The following TASP1 variants were observed in gnomAD, a reference collection of about 807,000 sequenced individuals.
The protein encoded by TASP1 is threonine aspartase 1.
A neutral mutation model predicts 56.6 loss-of-function variants in TASP1; 16 were observed. The ratio of observed to expected loss-of-function variants is 0.28; its 90% CI spans 0.19 to 0.43. The LOEUF is 0.43. TASP1 is among the 20% of genes least tolerant of loss of function. The pLI, the probability that TASP1 is intolerant of heterozygous loss-of-function variation, is 1.00. For missense variants in TASP1, 393 were observed against 511.6 expected (o/e 0.77, Z 2.24); for synonymous variants, 179 against 184.2 (o/e 0.97, Z 0.23).
the TASP1 span, among the ~76,000 whole-genome samples, chr20:13,241,029 G>C: frequency 6.6e-6 from 1 of 152,316 alleles, no homozygotes; most frequent in Admixed American, 6.5e-5. Context: ...GGAGAACCAA[G>C]AGGTGTGTCA....
chr20:13,317,001 ACTGT>A, the TASP1 span, among the ~76,000 whole-genome samples: 1 of 151,924 alleles, frequency 6.6e-6, no homozygotes, highest in Non-Finnish European at 1.5e-5. Context: ...AAGAAATAAA[ACTGT>A]CTGTTCATGG....
chr20:13,601,262 CACAGTGAG>C (rs2047947108), intron 4 of TASP1, among the ~76,000 whole-genome samples: 1 of 146,898 alleles, frequency 6.8e-6, no homozygotes, highest in Non-Finnish European at 1.5e-5. Context: ...GCCTGGGCAA[CACAGTGAG>C]ACAGCAACTG....
At chr20:13,627,733 T>TAAAAA (rs35542097) in intron 2 of TASP1, among the ~76,000 whole-genome samples, 3 of 119,526 alleles carry the variant, frequency 2.5e-5, no homozygotes, top group African/African-American at 1.2e-4. Flanking sequence ...AACTTAGTCT[T>TAAAAA]AAAAAAAAAA....
chr20:13,586,147 G>T (rs1364683714), intron 5 of TASP1, among the ~76,000 whole-genome samples: 1 of 139,822 alleles, frequency 7.2e-6, no homozygotes, highest in African/African-American at 2.7e-5. Context: ...TGCACTCCAG[G>T]CTGGGTAACA....
intron 4 of TASP1, among the ~76,000 whole-genome samples, chr20:13,595,001 A>T (rs1186850610): frequency 1.3e-5 from 2 of 152,230 alleles, no homozygotes; most frequent in Non-Finnish European, 2.9e-5. Flanking sequence ...CCACAAAGGG[A>T]AGCCCATCAG....
chr20:13,452,640 G>A (rs8119260), intron 11 of TASP1, among the ~76,000 whole-genome samples: 8,909 of 151,894 alleles, frequency 0.059, 369 homozygotes, highest in African/African-American at 0.12. Flanking sequence ...CTGACACATA[G>A]TAGGTGATCA....
At chr20:13,634,271 G>A (rs1047945552) in intron 1 of TASP1, among the ~76,000 whole-genome samples, 7 of 152,124 alleles carry the variant, frequency 4.6e-5, no homozygotes, top group Admixed American at 3.9e-4. Flanking sequence ...GAAAAAAACA[G>A]ACACAAATGG....
intron 11 of TASP1, among the ~76,000 whole-genome samples, chr20:13,472,166 C>G (rs2044529173): frequency 6.6e-6 from 1 of 150,682 alleles, no homozygotes; most frequent in African/African-American, 2.5e-5. Flanking sequence ...ACAGGGGACT[C>G]AGAAATAACA....
chr20:13,212,995 C>T, the TASP1 span, among the ~76,000 whole-genome samples: 2 of 152,154 alleles, frequency 1.3e-5, no homozygotes, highest in African/African-American at 2.4e-5. Flanking sequence ...TTAGAACCAG[C>T]CAGTCGCAAA....
chr20:13,132,350 T>A, the TASP1 span, among the ~76,000 whole-genome samples: 1 of 151,856 alleles, frequency 6.6e-6, no homozygotes, highest in Non-Finnish European at 1.5e-5. Flanking sequence ...CTAATTTTTG[T>A]ATTTTTAGTA....
the TASP1 span, among the ~76,000 whole-genome samples, chr20:13,253,790 C>A: frequency 7.0e-4 from 107 of 151,930 alleles, no homozygotes; most frequent in African/African-American, 2.4e-3. Flanking sequence ...AGCTAGGAAA[C>A]AATGGGCTAG....
chr20:13,424,072 C>T (rs556722619), intron 12 of TASP1, among the ~76,000 whole-genome samples: 46 of 152,254 alleles, frequency 3.0e-4, no homozygotes, highest in African/African-American at 1.0e-3. Context: ...GCAATCAAAA[C>T]AAACAGAACA....
the TASP1 span, among the ~76,000 whole-genome samples, chr20:13,381,958 T>C: frequency 6.6e-6 from 1 of 152,196 alleles, no homozygotes; most frequent in Non-Finnish European, 1.5e-5. Flanking sequence ...TATAGGAAAG[T>C]AGCCTCCAGC....
intron 11 of TASP1, among the ~76,000 whole-genome samples, chr20:13,461,119 A>G (rs948206203): frequency 7.2e-5 from 11 of 152,236 alleles, no homozygotes; most frequent in Admixed American, 5.2e-4. Context: ...TCCTTTGCAC[A>G]TGCTGTTCCC....
intron 12 of TASP1, among the ~76,000 whole-genome samples, chr20:13,433,520 CAAAAAA>C (rs74746255): frequency 1.1e-5 from 1 of 89,212 alleles, no homozygotes; most frequent in Non-Finnish European, 2.1e-5. Context: ...GACAGTATGG[CAAAAAA>C]AAAAAAAAAA....
the TASP1 span, among the ~76,000 whole-genome samples, chr20:13,280,455 G>T: frequency 6.6e-6 from 1 of 151,194 alleles, no homozygotes; most frequent in Non-Finnish European, 1.5e-5. Context: ...TGTTTTGGGA[G>T]TAGGATAAGT....
At chr20:13,362,926 G>C in the TASP1 span, among the ~76,000 whole-genome samples, 2 of 150,460 alleles carry the variant, frequency 1.3e-5, no homozygotes, top group Non-Finnish European at 3.0e-5. Context: ...AGAATCTTTT[G>C]TTCTAATATT....
chr20:13,408,226 A>C (rs1413799049), intron 13 of TASP1, among the ~76,000 whole-genome samples: 1 of 152,138 alleles, frequency 6.6e-6, no homozygotes, highest in Non-Finnish European at 1.5e-5. Flanking sequence ...ATTTTGAGTT[A>C]GTTTTTATAT....
the TASP1 span, among the ~76,000 whole-genome samples, chr20:13,220,186 G>A: frequency 6.6e-6 from 1 of 152,172 alleles, no homozygotes; most frequent in Non-Finnish European, 1.5e-5. Context: ...TAGGAGGAGG[G>A]GAAGCGCAGT....
Sources: gnomAD v4.1 joint callset for allele counts (sites outside exome capture counted in the v4.1 genomes callset) on GRCh38, gnomAD v4.1.1 for gene constraint, MANE v1.5 for transcripts, NCBI Gene and HGNC (gene_info 2026-07-23, HGNC 2026-07-21) for gene names.